The following DMXL1 variants were observed in gnomAD, a reference collection of about 807,000 sequenced individuals.
DMXL1 encodes dmX-like protein 1.
DMXL1 carries 99 observed loss-of-function variants against 319.2 expected under a neutral mutation model. The ratio of observed to expected loss-of-function variants is 0.31; its 90% CI spans 0.26 to 0.37. The LOEUF (loss-of-function observed/expected upper bound fraction) is 0.37. DMXL1 is among the 10% of genes least tolerant of loss of function. The pLI is 1.00. For synonymous variants in DMXL1, 1,385 were observed against 1,235.2 expected (o/e 1.12, Z -2.54); for missense variants, 3,745 against 3,595.6 (o/e 1.04, Z -1.06).
Position 119,164,688 on chromosome 5 carries a change from A to G in DMXL1, c.4872+12A>G. Reference sequence around the variant, plus strand: ...AATGCATAGAAAAAGTAAGTGTTTTATTTTGGTGTATAAGTGAATTAATAT... The same window carrying G: ...AATGCATAGAAAAAGTAAGTGTTTTGTTTTGGTGTATAAGTGAATTAATAT... On this transcript the variant is annotated intron_variant, in intron 20 of 43. Coordinates refer to ENST00000539542, the MANE Select transcript of DMXL1 (RefSeq NM_001290321.3). 2 of 1,585,970 alleles carry G rather than the reference A, an allele frequency of 1.3e-6. No individual in the cohort carries two copies. The highest frequency in any genetic ancestry group is 8.6e-7 in the Non-Finnish European group (1 of 1,161,102).
chr5:119,148,942 A>G lies in DMXL1; in HGVS notation c.3115A>G (p.Ser1039Gly). Residue 1039 changes from serine (S) to glycine (G), a missense_variant, in exon 18 of 44, where the codon AGT becomes GGT. By Grantham distance (56) the Ser-to-Gly change is moderately conservative. This residue lies in a region of DMXL1 where 2,096 missense variants were observed against 1,985.4 expected (regional missense o/e 1.06). Coordinates refer to ENST00000539542, the MANE Select transcript of DMXL1 (RefSeq NM_001290321.3). ...LIEDGLQSNSSITVPGRPVEV... is the reference protein window; with the variant it reads ...LIEDGLQSNSGITVPGRPVEV... Reference sequence around the variant, plus strand: ...TGAAGATGGACTTCAGAGCAATAGTAGTATAACTGTACCTGGTAGGCCTGT... The same window carrying G: ...TGAAGATGGACTTCAGAGCAATAGTGGTATAACTGTACCTGGTAGGCCTGT... The G allele has an allele frequency of 6.2e-7, 1 of 1,613,952 alleles. No individual in the cohort carries two copies.
intron 6 of DMXL1, among the ~76,000 whole-genome samples, chr5:119,115,266 A>G (rs1249199144): frequency 6.6e-6 from 1 of 152,200 alleles, no homozygotes; most frequent in Non-Finnish European, 1.5e-5. Context: ...CATAGCTTCA[A>G]TTTATATTAC....
intron 1 of DMXL1, among the ~76,000 whole-genome samples, chr5:119,079,519 C>T (rs1751721715): frequency 6.6e-6 from 1 of 152,248 alleles, no homozygotes. Context: ...TCTTTGACTT[C>T]AAAGTCCTTG....
intron 1 of DMXL1, 68 bp from the exon 2 acceptor site, chr5:119,097,911 A>G (rs1338413266): frequency 1.5e-5 from 19 of 1,298,776 alleles, no homozygotes. Context: ...ATGATAGTTA[A>G]TACTAGTATT....
chr5:119,184,593 CTG>C lies in DMXL1; in HGVS notation c.7136-5113_7136-5112del, dbSNP rs367743472. Among the ~76,000 whole-genome samples the C allele has an allele frequency of 3.2e-4, 48 of 152,310 alleles. 1 individual carries two copies. The East Asian group carries it at 5.0e-3, about 16-fold the overall frequency. The stretch of plus-strand genomic sequence containing the variant: ...GTCTATCATGTGGTGAAACAAATCT[CTG>C]TAACTTTTTCATCTTGCAAATCTGA... On this transcript the variant is annotated intron_variant, in intron 28 of 43. Transcript: ENST00000539542.
intron 4 of DMXL1, among the ~76,000 whole-genome samples, chr5:119,105,935 G>A (rs1369121718): frequency 1.3e-5 from 2 of 150,862 alleles, no homozygotes; most frequent in Admixed American, 6.6e-5. Flanking sequence ...ATGAATATAT[G>A]TATCAGTTAT....
At chr5:119,134,425 A>G (rs1561681856) in intron 13 of DMXL1, 36 bp downstream of exon 13, 4 of 1,519,560 alleles carry the variant, frequency 2.6e-6, no homozygotes, top group Admixed American at 2.0e-5. Context: ...TAAGTATATA[A>G]TATTATGTTT....
chr5:119,114,795 A>G (rs1282071467), intron 6 of DMXL1, among the ~76,000 whole-genome samples: 2 of 152,094 alleles, frequency 1.3e-5, no homozygotes, highest in African/African-American at 4.8e-5. Context: ...CAGCCTCTCA[A>G]GTAGCTGGGA....
intron 13 of DMXL1, among the ~76,000 whole-genome samples, chr5:119,141,841 A>G (rs1767423010): frequency 1.3e-5 from 2 of 152,188 alleles, no homozygotes; most frequent in Non-Finnish European, 2.9e-5. Context: ...GCTTTGAGGT[A>G]TCATGTTACC....
intron 38 of DMXL1, among the ~76,000 whole-genome samples, chr5:119,226,663 T>C (rs1055848953): frequency 6.6e-6 from 1 of 152,110 alleles, no homozygotes; most frequent in African/African-American, 2.4e-5. Flanking sequence ...GGTTAAGGGC[T>C]CAGTCCCACA....
At chr5:119,226,195 T>C (rs1464014991) in intron 38 of DMXL1, among the ~76,000 whole-genome samples, 1 of 152,166 alleles carries the variant, frequency 6.6e-6, no homozygotes, top group East Asian at 1.9e-4. Flanking sequence ...TTTCTCTGTT[T>C]AGAGAACTGC....
intron 17 of DMXL1, 43 bp downstream of exon 17, chr5:119,147,513 A>T (rs1252320262): frequency 1.5e-6 from 2 of 1,330,214 alleles, no homozygotes; most frequent in Non-Finnish European, 1.1e-6. Context: ...GTAACACATG[A>T]GTATTTACCA....
intron 16 of DMXL1, 68 bp from the exon 17 acceptor site, chr5:119,147,181 A>G (rs989697332): frequency 1.1e-5 from 15 of 1,375,472 alleles, no homozygotes; most frequent in African/African-American, 2.9e-5. Context: ...GGATTGTAAA[A>G]TGTAACAATC....
At position 119,144,602 on chromosome 5, in the gene DMXL1, A is replaced by G; in HGVS notation, c.2533A>G (p.Lys845Glu). The stretch of plus-strand genomic sequence containing the variant: ...CTTCATTTTGAATAACCTTGAGAAG[A>G]AAAGCCTTGGCAAAGACAGCATTTT... Reference protein sequence around the residue: ...EDFILNNLEKKSLGKDSILSN... With the variant: ...EDFILNNLEKESLGKDSILSN... Residue 845 changes from lysine (K) to glutamate (E), a missense_variant, in exon 15 of 44, where the codon AAA (lysine) becomes GAA (glutamate). Lys to Glu is a moderately conservative substitution (Grantham distance 56). Coordinates refer to ENST00000539542, the MANE Select transcript of DMXL1 (RefSeq NM_001290321.3). 1 of 1,598,780 alleles carries G rather than the reference A, an allele frequency of 6.3e-7. No homozygotes were observed. The highest frequency in any genetic ancestry group is 8.5e-7 in the Non-Finnish European group (1 of 1,175,452).
chr5:119,142,947 G>A (rs1298918867), intron 13 of DMXL1, among the ~76,000 whole-genome samples: 1 of 151,996 alleles, frequency 6.6e-6, no homozygotes, highest in African/African-American at 2.4e-5. Flanking sequence ...TCTTTAAGGA[G>A]GCCATTATCC....
chr5:119,147,998 C>G (rs559361753), intron 17 of DMXL1, among the ~76,000 whole-genome samples: 7 of 152,288 alleles, frequency 4.6e-5, no homozygotes, highest in African/African-American at 1.7e-4. Flanking sequence ...GACTTACAAA[C>G]CTTTAAAGTG....
At chr5:119,091,639 C>CT (rs1376671804) in intron 1 of DMXL1, among the ~76,000 whole-genome samples, 1 of 152,172 alleles carries the variant, frequency 6.6e-6, no homozygotes. Flanking sequence ...GCCACTGCCC[C>CT]TTTTTAGGCT....
intron 5 of DMXL1, among the ~76,000 whole-genome samples, chr5:119,111,716 G>C (rs1420328508): frequency 6.6e-6 from 1 of 152,180 alleles, no homozygotes; most frequent in African/African-American, 2.4e-5. Flanking sequence ...TTGGGCAAAT[G>C]CGTTTTTAAA....
In DMXL1 at chr5:119,233,399, A is replaced by G; in HGVS notation, c.8398A>G (p.Ile2800Val). 6.2e-7 allele frequency: 1 copy of G among 1,613,140 alleles called. No homozygotes were observed. The highest frequency in any genetic ancestry group is 8.5e-7 in the Non-Finnish European group (1 of 1,179,308). ...GTTTGAATGGGGCCATTCTCAACAA[A>G]TAACCTGTTTTCGATCTGGTGGCAA... ...RMFEWGHSQQITCFRSGGNSR... is the reference protein window; with the variant it reads ...RMFEWGHSQQVTCFRSGGNSR... Residue 2800 changes from isoleucine to valine, a missense_variant, in exon 39 of 44, where the codon ATA becomes GTA. Around this residue, in one of 4 missense-constraint regions of DMXL1, gnomAD observed 262 missense variants for 320.5 expected, o/e 0.82. Transcript: ENST00000539542.
Sources: allele counts gnomAD v4.1 joint callset (sites outside exome capture counted in the v4.1 genomes callset), GRCh38; gene constraint gnomAD v4.1.1; regional missense constraint gnomAD v4.1.1; transcripts MANE v1.5; gene names NCBI Gene and HGNC (gene_info 2026-07-23, HGNC 2026-07-21).